ZNF654: variants seen among roughly 807,000 people sequenced by gnomAD.
ZNF654 encodes melanoma-associated antigen.
ZNF654 carries 19 observed loss-of-function variants against 95.3 expected under a neutral mutation model. The ratio of observed to expected loss-of-function variants is 0.20; its 90% CI spans 0.14 to 0.29. The LOEUF (loss-of-function observed/expected upper bound fraction) is 0.29, where lower values mean the gene tolerates loss of function less well. Ranked by LOEUF, ZNF654 falls within the 10% of genes least tolerant of loss-of-function variation. ZNF654 has a pLI of 1.00. For synonymous variants in ZNF654, 413 were observed against 457.9 expected, an observed-to-expected ratio of 0.90 and a Z score of 1.25; for missense variants, 1,046 against 1,341.0, an observed-to-expected ratio of 0.78 and a Z score of 3.44.
intron 7 of ZNF654, among the ~76,000 whole-genome samples, chr3:88,137,936 C>T (rs1706897019): frequency 6.6e-6 from 1 of 151,998 alleles, no homozygotes; most frequent in Non-Finnish European, 1.5e-5. Flanking sequence ...ATTATGGTGT[C>T]TCCTCCAATC....
At chr3:88,116,413 G>C (rs372156456) in intron 3 of ZNF654, among the ~76,000 whole-genome samples, 4 of 151,798 alleles carry the variant, frequency 2.6e-5, no homozygotes, top group African/African-American at 9.7e-5. Context: ...CCAGCTACTT[G>C]GGAGGCTGAG....
At chr3:88,076,323 A>G (rs538680431) in intron 1 of ZNF654, among the ~76,000 whole-genome samples, 124 of 152,292 alleles carry the variant, frequency 8.1e-4, no homozygotes, top group Non-Finnish European at 1.5e-3. Flanking sequence ...TCAGTTAGGT[A>G]CTTTTGTAAC....
chr3:88,065,313 G>C lies in ZNF654; in HGVS notation c.186+5808G>C, dbSNP rs138909245. ...TTGTTGCTCCTTAATGCCTTTATAG[G>C]TTGACTTTCAGAGTTGAGTTGAACT... On this transcript the variant is annotated intron_variant, in intron 1 of 8. Coordinates refer to ENST00000636215, the MANE Select transcript of ZNF654 (RefSeq NM_001350134.2). Among the ~76,000 whole-genome samples, 3 of 152,088 alleles carry C rather than the reference G, an allele frequency of 2.0e-5. No individual in the cohort carries two copies. In the East Asian group the frequency reaches 5.8e-4, roughly 29 times the overall value.
At chr3:88,122,035 A>G (rs1241281817) in intron 3 of ZNF654, among the ~76,000 whole-genome samples, 1 of 152,212 alleles carries the variant, frequency 6.6e-6, no homozygotes, top group African/African-American at 2.4e-5. Context: ...TCAACACTTA[A>G]GATAGTAATG....
chr3:88,099,317 C>T (rs529715727), intron 2 of ZNF654, among the ~76,000 whole-genome samples: 2 of 151,594 alleles, frequency 1.3e-5, no homozygotes, highest in African/African-American at 4.8e-5. Flanking sequence ...AATCACTGCT[C>T]AACAAAAGAG....
At position 88,144,516 on chromosome 3, in the gene ZNF654, A is replaced by C. The variant is rs1707264535; in HGVS notation, c.*2864A>C. The stretch of plus-strand genomic sequence containing the variant: ...AAGGAAATTTGTGCTTCCTTGTTGA[A>C]TGTTAAATTATTTTACTTTGCATTT... On this transcript the variant is annotated 3_prime_UTR_variant, in exon 9 of 9. Coordinates refer to ENST00000636215, the MANE Select transcript of ZNF654 (RefSeq NM_001350134.2). 6.6e-6 allele frequency: 1 copy of C among 152,446 alleles called. No individual in the cohort carries two copies. The highest frequency in any genetic ancestry group is 1.5e-5 in the Non-Finnish European group (1 of 67,892). The allele number at this position is 152,446 out of a possible 1,614,324, so 9.4% of individuals were successfully genotyped here. A position where few individuals can be genotyped will look rare whatever the true frequency, so the allele number is the denominator to read the frequency against.
At position 88,140,390 on chromosome 3, in the gene ZNF654, T is replaced by A. The variant is rs1707047012; in HGVS notation, c.2721T>A (p.Thr907=). ...EKDSSSNEKQ[T]ISLPVSTSKS... The stretch of plus-strand genomic sequence containing the variant: ...ACTCATCTAGTAATGAGAAACAAAC[T>A]ATTAGTCTGCCAGTTTCTACTAGCA... Residue 907 remains threonine (T), a synonymous_variant, in exon 8 of 9, where the codon ACT becomes ACA. Transcript: ENST00000636215. 3 of 1,613,170 alleles carry A rather than the reference T, an allele frequency of 1.9e-6. No individual in the cohort carries two copies. Among genetic ancestry groups the A allele is most frequent in the South Asian group, 1.1e-5 (1 of 91,012 alleles).
intron 2 of ZNF654, among the ~76,000 whole-genome samples, chr3:88,089,165 G>T (rs938779027): frequency 6.7e-6 from 1 of 148,626 alleles, no homozygotes; most frequent in African/African-American, 2.5e-5. Flanking sequence ...GATTATACCT[G>T]GCAAGTCTTA....
chr3:88,117,611 A>AG (rs1432184037), intron 3 of ZNF654, among the ~76,000 whole-genome samples: 1 of 152,200 alleles, frequency 6.6e-6, no homozygotes. Context: ...GACTGACCTG[A>AG]GGAAAAAATA....
intron 1 of ZNF654, among the ~76,000 whole-genome samples, chr3:88,068,826 A>G (rs1707343966): frequency 6.6e-6 from 1 of 152,152 alleles, no homozygotes; most frequent in African/African-American, 2.4e-5. Context: ...TCCTGTACCT[A>G]GTATGTGATA....
At chr3:88,110,280 A>G (rs1419842561) in intron 2 of ZNF654, among the ~76,000 whole-genome samples, 1 of 152,138 alleles carries the variant, frequency 6.6e-6, no homozygotes, top group African/African-American at 2.4e-5. Context: ...CAGCTAGACC[A>G]TGGGTCTGTA....
Position 88,143,702 on chromosome 3 carries a change from C to G in ZNF654, c.*2050C>G, listed in dbSNP as rs1007158155. ...TATTCCATTTGTAATCTGTCTTTAACTTGAGGTTTATTTCTACTTTTGTGT... is the reference window on the plus strand; with the variant it reads ...TATTCCATTTGTAATCTGTCTTTAAGTTGAGGTTTATTTCTACTTTTGTGT... On this transcript the variant is annotated 3_prime_UTR_variant, in exon 9 of 9. Transcript: ENST00000636215. The G allele has an allele frequency of 6.6e-6, 1 of 152,188 alleles. No individual in the cohort carries two copies. The highest frequency in any genetic ancestry group is 6.6e-5 in the Admixed American group (1 of 15,240). 9.4% of individuals were successfully genotyped at this position (152,188 alleles called of 1,614,324 possible).
intron 1 of ZNF654, among the ~76,000 whole-genome samples, chr3:88,070,758 C>T (rs991071953): frequency 2.0e-5 from 3 of 151,986 alleles, no homozygotes; most frequent in African/African-American, 4.8e-5. Context: ...CTCGTTTATC[C>T]TTTGCAAAAA....
chr3:88,122,039 A>G (rs1705800493), intron 3 of ZNF654, among the ~76,000 whole-genome samples: 1 of 152,220 alleles, frequency 6.6e-6, no homozygotes, highest in Non-Finnish European at 1.5e-5. Context: ...CACTTAAGAT[A>G]GTAATGCAAG....
At chr3:88,091,969 T>C (rs1708655380) in intron 2 of ZNF654, among the ~76,000 whole-genome samples, 1 of 152,196 alleles carries the variant, frequency 6.6e-6, no homozygotes, top group Admixed American at 6.5e-5. Context: ...CTACTGCCCA[T>C]GTAAAAAATA....
At chr3:88,095,443 T>C (rs533097816) in intron 2 of ZNF654, 1 of 349,542 alleles carries the variant, frequency 2.9e-6, no homozygotes, top group East Asian at 9.1e-5. Context: ...TTGGTTTCTG[T>C]ATCCTCAAGG....
chr3:88,109,418 A>G (rs1301299709), intron 2 of ZNF654, among the ~76,000 whole-genome samples: 2 of 152,064 alleles, frequency 1.3e-5, no homozygotes, highest in African/African-American at 2.4e-5. Context: ...AGAGTTTATT[A>G]TATTATTGTT....
intron 3 of ZNF654, among the ~76,000 whole-genome samples, chr3:88,121,373 AT>A (rs2107800444): frequency 6.6e-6 from 1 of 152,222 alleles, no homozygotes; most frequent in Admixed American, 6.5e-5. Flanking sequence ...TGACATACTG[AT>A]TTTTGGCAAC....
In ZNF654 at chr3:88,140,783, A is replaced by G. The variant is rs1247574847; in HGVS notation, c.3114A>G (p.Ser1038=). The G allele has an allele frequency of 6.2e-7, 1 of 1,613,660 alleles. No homozygotes were observed. Residue 1038 remains serine (S), a synonymous_variant, in exon 8 of 9, where the codon TCA becomes TCG. Coordinates refer to ENST00000636215, the MANE Select transcript of ZNF654 (RefSeq NM_001350134.2). ...CAAATCTGACAAGTGAACATACTTC[A>G]TATGGCTTAATTTTAACAAAACCAT... is the stretch of plus-strand genomic sequence containing the variant. The part of the protein sequence containing the change: ...SKPNLTSEHT[S]YGLILTKPYV...
Sources: allele counts gnomAD v4.1 joint callset (sites outside exome capture counted in the v4.1 genomes callset), GRCh38; gene constraint gnomAD v4.1.1; transcripts MANE v1.5; gene names NCBI Gene and HGNC (gene_info 2026-07-23, HGNC 2026-07-21).